The following ASXL2 variants were observed in gnomAD, a reference collection of about 807,000 sequenced individuals.
ASXL2 encodes the protein ASXL transcriptional regulator 2.
In ASXL2, 23 loss-of-function variants were observed where a neutral mutation model predicts 122.0. The observed-to-expected ratio is 0.19, with a 90% CI of 0.14 to 0.27. The LOEUF is 0.27. Ranked by LOEUF, ASXL2 falls within the 10% of genes least tolerant of loss-of-function variation. The pLI, the probability that ASXL2 is intolerant of heterozygous loss-of-function variation, is 1.00. For synonymous variants in ASXL2, 650 were observed against 637.0 expected, an observed-to-expected ratio of 1.02 and a Z score of -0.31; for missense variants, 1,518 against 1,713.8, an observed-to-expected ratio of 0.89 and a Z score of 2.02.
rs912765377 is a variant in ASXL2 at position 25,733,759 on chromosome 2, A to G, written c.*8270T>C. On this transcript the variant is annotated 3_prime_UTR_variant, in exon 13 of 13. Transcript: ENST00000435504. ...AAAGAAAAGGCATAGTCGCTAGGGT[A>G]AAACTGTATGCCTTTATTCAACATA... The G allele has an allele frequency of 6.6e-6, 1 of 152,242 alleles. No individual in the cohort carries two copies. The highest frequency in any genetic ancestry group is 2.4e-5 in the African/African-American group (1 of 41,466). The allele number at this position is 152,242 out of a possible 1,614,324, so 9.4% of individuals were successfully genotyped here.
chr2:25,742,598 TCTC>T lies in ASXL2; in HGVS notation c.3736_3738del (p.Glu1246del), dbSNP rs2087850646. 1 of 1,613,848 alleles carries T rather than the reference TCTC, an allele frequency of 6.2e-7. No individual in the cohort carries two copies. The highest frequency in any genetic ancestry group is 1.3e-5 in the African/African-American group (1 of 74,916). ...GTTTGGCCTCTAGTGAACAGGTAAT[TCTC>T]CTTACTTAAAGTGGTTTGCTCATTC... On this transcript the variant is annotated inframe_deletion, in exon 13 of 13. Transcript: ENST00000435504.
chr2:25,838,745 T>C (rs1445539196), intron 2 of ASXL2, among the ~76,000 whole-genome samples: 1 of 152,260 alleles, frequency 6.6e-6, no homozygotes, highest in Non-Finnish European at 1.5e-5. Flanking sequence ...CTATTTTATA[T>C]ACTGATGGCT....
At position 25,759,602 on chromosome 2, in the gene ASXL2, T is replaced by G; in HGVS notation, c.819A>C (p.Thr273=). ...TTGTATTAACCAGAATGGAGTCCGGTGTCTCAACGTCAATGTCAGCACATT... is the reference window on the plus strand; with the variant it reads ...TTGTATTAACCAGAATGGAGTCCGGGGTCTCAACGTCAATGTCAGCACATT... ...RTKCADIDVE[T]PDSILVNTNL... The change falls in exon 9 of 13, where the codon ACA becomes ACC. Residue 273 remains threonine (T), a synonymous_variant. Transcript: ENST00000435504. The G allele has an allele frequency of 6.2e-7, 1 of 1,613,728 alleles. No individual in the cohort carries two copies. Among genetic ancestry groups the G allele is most frequent in the South Asian group, 1.1e-5 (1 of 91,064 alleles).
intron 5 of ASXL2, among the ~76,000 whole-genome samples, chr2:25,790,335 G>A (rs1182925037): frequency 8.3e-6 from 1 of 120,230 alleles, no homozygotes; most frequent in African/African-American, 3.1e-5. Flanking sequence ...GGTGGGGGGG[G>A]TGTGAGAAGC....
In ASXL2 at chr2:25,740,790, T is replaced by G. The variant is rs1574387718; in HGVS notation, c.*1239A>C. 1 of 199,168 alleles carries G rather than the reference T, an allele frequency of 5.0e-6. No homozygotes were observed. The highest frequency in any genetic ancestry group is 7.9e-5 in the East Asian group (1 of 12,710). The allele number at this position is 199,168 out of a possible 1,614,324, so 12.3% of individuals were successfully genotyped here. ...GCAGTAATCCAAACAAGGGCTATAT[T>G]TTCTAAAACAGGAAAAATGTCTTGT... is the stretch of plus-strand genomic sequence containing the variant. On this transcript the variant is annotated 3_prime_UTR_variant, in exon 13 of 13. Coordinates refer to ENST00000435504, the MANE Select transcript of ASXL2 (RefSeq NM_018263.6).
In ASXL2 at chr2:25,742,802, C is replaced by T. The variant is rs774150572; in HGVS notation, c.3535G>A (p.Asp1179Asn). The change falls in exon 13 of 13, where the codon GAT becomes AAT. Residue 1179 changes from aspartate to asparagine, a missense_variant. Transcript: ENST00000435504. ...ATGESSSSKE[D>N]DTDEESTGDE... ...CCAGTACTTTCCTCATCAGTGTCAT[C>T]TTCTTTGCTGCTGCTACTCTCTCCT... 53 of 1,613,882 alleles carry T rather than the reference C, an allele frequency of 3.3e-5. No homozygotes were observed. The highest frequency in any genetic ancestry group is 4.3e-5 in the Non-Finnish European group (51 of 1,179,910).
Position 25,744,090 on chromosome 2 carries a change from C to G in ASXL2, c.2247G>C (p.Glu749Asp), listed in dbSNP as rs1442688695. 1.2e-6 allele frequency: 2 copies of G among 1,613,944 alleles called. No individual in the cohort carries two copies. Among genetic ancestry groups the G allele is most frequent in the South Asian group, 2.2e-5 (2 of 91,078 alleles). The stretch of plus-strand genomic sequence containing the variant: ...TCTTGGTCTCAGACTGGGGCTGAGT[C>G]TCTGGACCACAGGGTAAAAGCTCTC... The part of the protein sequence containing the change: ...GTRELLPCGP[E>D]TQPQSETKTT... Residue 749 changes from glutamate (E) to aspartate (D), a missense_variant, in exon 13 of 13, where the codon GAG becomes GAC. Around this residue, in one of 8 missense-constraint regions of ASXL2, gnomAD observed 831 missense variants for 833.1 expected, o/e 1.00. Coordinates refer to ENST00000435504, the MANE Select transcript of ASXL2 (RefSeq NM_018263.6). This position sits in a 1 kb window ranked among gnomAD's most constrained non-coding sequence, Gnocchi z 4.7.
chr2:25,812,656 A>C (rs2089186252), intron 3 of ASXL2, among the ~76,000 whole-genome samples: 1 of 152,210 alleles, frequency 6.6e-6, no homozygotes, highest in Admixed American at 6.5e-5. Flanking sequence ...CTGATGCAAC[A>C]ATCCCACTTG....
At chr2:25,772,725 G>T (rs1183948949) in intron 5 of ASXL2, among the ~76,000 whole-genome samples, 2 of 75,800 alleles carry the variant, frequency 2.6e-5, no homozygotes, top group African/African-American at 1.2e-4. Context: ...GCGAAACTTG[G>T]TCTCAAAAAA....
intron 5 of ASXL2, among the ~76,000 whole-genome samples, chr2:25,782,380 A>G (rs911845199): frequency 6.6e-6 from 1 of 151,892 alleles, no homozygotes; most frequent in Non-Finnish European, 1.5e-5. Context: ...CCCCATCTCT[A>G]CTAAAAATAT....
chr2:25,788,186 A>C (rs2088778131), intron 5 of ASXL2, among the ~76,000 whole-genome samples: 1 of 152,234 alleles, frequency 6.6e-6, no homozygotes. Context: ...TAAAATGATG[A>C]TCCTCATCTC....
At chr2:25,753,977 A>C (rs2088090038) in intron 10 of ASXL2, among the ~76,000 whole-genome samples, 1 of 152,186 alleles carries the variant, frequency 6.6e-6, no homozygotes, top group African/African-American at 2.4e-5. Context: ...TTTTCCACTA[A>C]AAGAAAAAGT....
chr2:25,872,935 C>T (rs1339861089), intron 1 of ASXL2, among the ~76,000 whole-genome samples: 1 of 151,426 alleles, frequency 6.6e-6, no homozygotes, highest in African/African-American at 2.4e-5. Flanking sequence ...GTTGTAAGTT[C>T]TTTTTTTGTT....
At chr2:25,816,627 A>G (rs1485149561) in intron 3 of ASXL2, among the ~76,000 whole-genome samples, 3 of 152,216 alleles carry the variant, frequency 2.0e-5, no homozygotes, top group Admixed American at 6.5e-5. Flanking sequence ...CATGAGGAAG[A>G]AAAAAAGTAT....
chr2:25,796,125 C>A (rs1266690807), intron 5 of ASXL2, among the ~76,000 whole-genome samples: 2 of 152,136 alleles, frequency 1.3e-5, no homozygotes, highest in Middle Eastern at 3.2e-3. Context: ...ATGAGGCCAT[C>A]AATTATCTCA....
At chr2:25,799,685 T>C (rs2149171313) in intron 4 of ASXL2, 150 bp from the exon 5 acceptor site, 1 of 945,328 alleles carries the variant, frequency 1.1e-6, no homozygotes, top group East Asian at 2.6e-5. Context: ...TCTGAATTCC[T>C]GTCATCTCTT....
chr2:25,755,136 C>T (rs1481857910), intron 10 of ASXL2, among the ~76,000 whole-genome samples: 1 of 152,052 alleles, frequency 6.6e-6, no homozygotes, highest in Non-Finnish European at 1.5e-5. Context: ...TTTTTTATTC[C>T]ATGTATACTG....
intron 5 of ASXL2, among the ~76,000 whole-genome samples, chr2:25,783,541 TATTAG>T (rs112617935): frequency 1.3e-3 from 200 of 152,278 alleles, no homozygotes; most frequent in African/African-American, 4.6e-3. Flanking sequence ...TTCAGCTATC[TATTAG>T]TTTACTTTAT....
rs1574384939 is a variant in ASXL2 at position 25,736,073 on chromosome 2, G to C, written c.*5956C>G. ...GCACTTTAGTGCTTAGTGCACAGTA[G>C]GTGCTCTATAAATACTTGAATTAGT... On this transcript the variant is annotated 3_prime_UTR_variant, in exon 13 of 13. Coordinates refer to ENST00000435504, the MANE Select transcript of ASXL2 (RefSeq NM_018263.6). 1 of 152,312 alleles carries C rather than the reference G, an allele frequency of 6.6e-6. No individual in the cohort carries two copies. The highest frequency in any genetic ancestry group is 2.4e-5 in the African/African-American group (1 of 41,556). 9.4% of individuals were successfully genotyped at this position (152,312 alleles called of 1,614,324 possible).
Sources: allele counts gnomAD v4.1 joint callset (sites outside exome capture counted in the v4.1 genomes callset), GRCh38; gene constraint gnomAD v4.1.1; regional missense constraint gnomAD v4.1.1; non-coding constraint Gnocchi (gnomAD v3.1); transcripts MANE v1.5; gene names NCBI Gene and HGNC (gene_info 2026-07-23, HGNC 2026-07-21).